CDH4: variants seen among roughly 807,000 people sequenced by gnomAD.
CDH4 encodes the protein cadherin-4.
CDH4 carries 33 observed loss-of-function variants against 86.0 expected under a neutral mutation model. That is an observed-to-expected ratio of 0.38 (90% CI 0.29 to 0.51). The LOEUF (loss-of-function observed/expected upper bound fraction) is 0.51. CDH4 is among the 20% of genes least tolerant of loss of function. The pLI is 0.86. For synonymous variants in CDH4, 555 were observed against 549.4 expected (o/e 1.01, Z -0.14); for missense variants, 1,114 against 1,307.4 (o/e 0.85, Z 2.28).
intron 2 of CDH4, among the ~76,000 whole-genome samples, chr20:61,655,696 G>A (rs530406773): frequency 2.6e-5 from 4 of 152,312 alleles, no homozygotes; most frequent in South Asian, 2.1e-4. Context: ...AGCAGCCTCC[G>A]TGGGTCATTC....
chr20:61,933,767 G>A (rs1214107437), intron 14 of CDH4, among the ~76,000 whole-genome samples: 3 of 152,166 alleles, frequency 2.0e-5, no homozygotes, highest in Non-Finnish European at 2.9e-5. Flanking sequence ...CTCGGGGCAC[G>A]TGGTTGGTGA....
At chr20:61,787,408 C>T (rs1462460402) in intron 4 of CDH4, among the ~76,000 whole-genome samples, 1 of 152,136 alleles carries the variant, frequency 6.6e-6, no homozygotes, top group Non-Finnish European at 1.5e-5. Context: ...GAGGAAAGCC[C>T]CTTATAAAAC....
chr20:61,848,452 G>A (rs994414248), intron 5 of CDH4, among the ~76,000 whole-genome samples: 2 of 152,174 alleles, frequency 1.3e-5, no homozygotes, highest in Non-Finnish European at 2.9e-5. Flanking sequence ...GCTTACTGTA[G>A]CCTCAACCTC....
At chr20:61,536,663 C>T (rs2085999703) in intron 2 of CDH4, among the ~76,000 whole-genome samples, 1 of 152,176 alleles carries the variant, frequency 6.6e-6, no homozygotes, top group Non-Finnish European at 1.5e-5. Context: ...CGTGTCTGAC[C>T]GCAGCATTAT....
At chr20:61,679,868 G>A (rs1048409890) in intron 2 of CDH4, among the ~76,000 whole-genome samples, 1 of 152,322 alleles carries the variant, frequency 6.6e-6, no homozygotes, top group Admixed American at 6.5e-5. Flanking sequence ...GCCCCCATCT[G>A]GGTGGACTTC....
chr20:61,554,864 TTGTG>T (rs938883769), intron 2 of CDH4, among the ~76,000 whole-genome samples: 38 of 147,538 alleles, frequency 2.6e-4, no homozygotes, highest in African/African-American at 8.8e-4. Context: ...GTTCGCATGT[TTGTG>T]TGTCTGAGTA....
chr20:61,361,685 G>A (rs931175005), intron 2 of CDH4, among the ~76,000 whole-genome samples: 1 of 152,202 alleles, frequency 6.6e-6, no homozygotes, highest in Non-Finnish European at 1.5e-5. Flanking sequence ...CCCAAGCTCA[G>A]GGTCTAAGAA....
At chr20:61,257,409 T>C (rs2084104510) in intron 2 of CDH4, among the ~76,000 whole-genome samples, 1 of 152,274 alleles carries the variant, frequency 6.6e-6, no homozygotes, top group South Asian at 2.1e-4. Flanking sequence ...GGAAATAGTT[T>C]TCCCCAATAG....
chr20:61,389,142 C>T (rs1600929996), intron 2 of CDH4, among the ~76,000 whole-genome samples: 2 of 152,164 alleles, frequency 1.3e-5, no homozygotes, highest in South Asian at 4.1e-4. Flanking sequence ...GGCTGAAGTC[C>T]GTCAGCCCAC....
At chr20:61,420,732 T>G (rs781395482) in intron 2 of CDH4, among the ~76,000 whole-genome samples, 7 of 152,194 alleles carry the variant, frequency 4.6e-5, no homozygotes, top group Non-Finnish European at 8.8e-5. Flanking sequence ...CACTAGTGAA[T>G]AGGGTGTGGC....
chr20:61,665,185 C>T (rs886212063), intron 2 of CDH4, among the ~76,000 whole-genome samples: 3 of 152,176 alleles, frequency 2.0e-5, no homozygotes, highest in African/African-American at 2.4e-5. Context: ...CTGATAGTGG[C>T]GTCTTGGTCA....
chr20:61,721,324 G>A (rs1291046280), intron 2 of CDH4, among the ~76,000 whole-genome samples: 1 of 152,170 alleles, frequency 6.6e-6, no homozygotes. Context: ...TGGAATTAAG[G>A]CCAGGCATGG....
At chr20:61,727,154 G>C (rs1202984396) in intron 2 of CDH4, among the ~76,000 whole-genome samples, 1 of 149,798 alleles carries the variant, frequency 6.7e-6, no homozygotes, top group Non-Finnish European at 1.5e-5. Flanking sequence ...ATCACCATCA[G>C]AGTCATCATC....
At chr20:61,546,342 TGC>T (rs777551550) in intron 2 of CDH4, among the ~76,000 whole-genome samples, 12 of 150,102 alleles carry the variant, frequency 8.0e-5, no homozygotes, top group Admixed American at 2.0e-4. Flanking sequence ...GGTGTGTATA[TGC>T]GTGTGTGTGG....
rs2085843677 is a variant in CDH4 at position 61,518,642 on chromosome 20, C to G, written c.170-224921C>G. On this transcript the variant is annotated intron_variant, in intron 2 of 15. Transcript: ENST00000614565. The surrounding 1 kb of genome is among the most constrained non-coding windows in gnomAD (Gnocchi z 6.3). ...ATCCTTCATCCACCTAACCATTTAT[C>G]CATCCATTCATCCTTCCATCTATCA... 6.6e-6 allele frequency among the ~76,000 whole-genome samples: 1 copy of G among 151,916 alleles called. No individual in the cohort carries two copies. Among genetic ancestry groups the G allele is most frequent in the South Asian group, 2.1e-4 (1 of 4,800 alleles).
chr20:61,260,838 A>G (rs1283452909), intron 2 of CDH4, among the ~76,000 whole-genome samples: 2 of 152,166 alleles, frequency 1.3e-5, no homozygotes, highest in African/African-American at 4.8e-5. Context: ...TCCCAGGGTT[A>G]AGAGGTTCAG....
At chr20:61,844,615 G>C in intron 4 of CDH4, 53 bp from the exon 5 acceptor site, 1 of 1,550,020 alleles carries the variant, frequency 6.5e-7, no homozygotes. Context: ...GATCGGCCCC[G>C]GGCCTCTCCT....
At chr20:61,281,971 C>T (rs982905931) in intron 2 of CDH4, among the ~76,000 whole-genome samples, 3 of 152,206 alleles carry the variant, frequency 2.0e-5, no homozygotes, top group Non-Finnish European at 2.9e-5. Flanking sequence ...AACAGCAGCA[C>T]ACTGGGGGTT....
chr20:61,840,259 GT>G (rs1982100899), intron 4 of CDH4, among the ~76,000 whole-genome samples: 1 of 152,180 alleles, frequency 6.6e-6, no homozygotes, highest in African/African-American at 2.4e-5. Flanking sequence ...GGCCTTCCCG[GT>G]GGGTGGGTCT....
Sources: gnomAD v4.1 joint callset for allele counts (sites outside exome capture counted in the v4.1 genomes callset) on GRCh38, gnomAD v4.1.1 for gene constraint, Gnocchi (gnomAD v3.1) non-coding constraint, MANE v1.5 for transcripts, NCBI Gene and HGNC (gene_info 2026-07-23, HGNC 2026-07-21) for gene names.